The following MOB3A variants were observed in gnomAD, a reference collection of about 807,000 sequenced individuals.
MOB3A encodes MOB kinase activator 3A, also known as MOB LAK.
A neutral mutation model predicts 17.8 loss-of-function variants in MOB3A; 17 were observed. That is an observed-to-expected ratio of 0.95 (90% confidence interval 0.65 to 1.43). MOB3A has a LOEUF of 1.43. Ranked by LOEUF, MOB3A falls within the 40% of genes most tolerant of loss-of-function variation. MOB3A has a pLI of 0.00. For missense variants in MOB3A, 333 were observed against 310.8 expected (o/e 1.07, Z -0.54); for synonymous variants, 124 against 133.2 (o/e 0.93, Z 0.48).
chr19:2,083,896 C>A (rs1251577825), intron 2 of MOB3A, among the ~76,000 whole-genome samples: 1 of 152,110 alleles, frequency 6.6e-6, no homozygotes, highest in Non-Finnish European at 1.5e-5. Context: ...CTGGGCTGAG[C>A]CTCAGGGAGA....
chr19:2,079,337 C>T (rs1354094765), intron 2 of MOB3A, among the ~76,000 whole-genome samples: 1 of 152,232 alleles, frequency 6.6e-6, no homozygotes, highest in Non-Finnish European at 1.5e-5. Context: ...ACGGCCTCCA[C>T]AAAGGAAGCC....
chr19:2,077,019 G>A lies in MOB3A; in HGVS notation c.422-6C>T, dbSNP rs144786970. 4 of 1,611,818 alleles carry A rather than the reference G, an allele frequency of 2.5e-6. No individual in the cohort carries two copies. The African/African-American group carries it at 5.3e-5, about 21-fold the overall frequency. On this transcript the variant is annotated splice_region_variant and splice_polypyrimidine_tract_variant and intron_variant, in intron 3 of 4. Coordinates refer to ENST00000357066, the MANE Select transcript of MOB3A (RefSeq NM_130807.3). ...GTTCTTGGGAAACGGAGTGCCTGCA[G>A]GGAGAGGGGTGGGACGGGTCCACGG...
rs1186934394 is a variant in MOB3A, at chr19:2,072,427, G to C, written c.*968C>G. 6.6e-6 allele frequency: 1 copy of C among 152,018 alleles called. No homozygotes were observed. The highest frequency in any genetic ancestry group is 1.9e-4 in the East Asian group (1 of 5,198). 9.4% of individuals were successfully genotyped at this position (152,018 alleles called of 1,614,324 possible). On this transcript the variant is annotated 3_prime_UTR_variant, in exon 5 of 5. Transcript: ENST00000357066. ...CTGGACTCCAGTCTGGGCGACAGTG[G>C]GAGACTCCGTTCAAAAAAAATAAAA...
In MOB3A at chr19:2,082,261, GA is replaced by G. The variant is rs1228329315; in HGVS notation, c.-120+2913del. Reference sequence around the variant, plus strand: ...CAGGCCTCTAACCCCTGGCTCTGTGGACATCGGGGTTGGATCGTTCTCTGGG... The same window carrying G: ...CAGGCCTCTAACCCCTGGCTCTGTGGCATCGGGGTTGGATCGTTCTCTGGG... On this transcript the variant is annotated intron_variant, in intron 2 of 4. Transcript: ENST00000357066. This position sits in a 1 kb window ranked among gnomAD's most constrained non-coding sequence, Gnocchi z 4.1. Among the ~76,000 whole-genome samples the G allele has an allele frequency of 4.6e-5, 7 of 152,240 alleles. No individual in the cohort carries two copies. Among genetic ancestry groups the G allele is most frequent in the African/African-American group, 1.7e-4 (7 of 41,458 alleles).
intron 1 of MOB3A, among the ~76,000 whole-genome samples, chr19:2,094,562 G>C (rs1192793612): frequency 6.6e-6 from 1 of 152,214 alleles, no homozygotes; most frequent in African/African-American, 2.4e-5. Flanking sequence ...TGTGGGCTCT[G>C]ACGGCTCCAG....
chr19:2,080,322 C>A (rs943783744), intron 2 of MOB3A, among the ~76,000 whole-genome samples: 9 of 152,008 alleles, frequency 5.9e-5, no homozygotes, highest in African/African-American at 1.9e-4. Flanking sequence ...CTGGGCTCCA[C>A]GCAACGCTCA....
chr19:2,080,174 C>G (rs1330977482), intron 2 of MOB3A, among the ~76,000 whole-genome samples: 1 of 152,178 alleles, frequency 6.6e-6, no homozygotes, highest in African/African-American at 2.4e-5. Context: ...CGGGCAGAGA[C>G]TTGACTGTGA....
At chr19:2,084,630 G>A (rs908181289) in intron 2 of MOB3A, among the ~76,000 whole-genome samples, 1 of 150,804 alleles carries the variant, frequency 6.6e-6, no homozygotes, top group Non-Finnish European at 1.5e-5. Flanking sequence ...TTACTCTGTC[G>A]CCCAGGCTGG....
At chr19:2,083,998 C>A in intron 2 of MOB3A, 1 of 332,462 alleles carries the variant, frequency 3.0e-6, no homozygotes, top group South Asian at 2.1e-5. Flanking sequence ...TCTTGAACTC[C>A]TGGTCTCAAG....
At chr19:2,080,518 C>T (rs1239281566) in intron 2 of MOB3A, among the ~76,000 whole-genome samples, 1 of 152,096 alleles carries the variant, frequency 6.6e-6, no homozygotes, top group Admixed American at 6.6e-5. Flanking sequence ...GCTGGCACTA[C>T]AGGCACGTGC....
At chr19:2,090,434 T>C (rs1462130556) in intron 1 of MOB3A, among the ~76,000 whole-genome samples, 18 of 152,092 alleles carry the variant, frequency 1.2e-4, no homozygotes, top group Non-Finnish European at 2.6e-4. Context: ...GGACGATGTC[T>C]GGGGACATCT....
intron 2 of MOB3A, 111 bp from the exon 3 acceptor site, chr19:2,078,790 A>C: frequency 4.0e-6 from 2 of 502,006 alleles, no homozygotes; most frequent in Non-Finnish European, 7.0e-6. Flanking sequence ...ACAGGGTCTT[A>C]CTCTGTTGCC....
intron 4 of MOB3A, among the ~76,000 whole-genome samples, chr19:2,074,702 AC>A (rs1339902661): frequency 1.3e-5 from 2 of 151,022 alleles, no homozygotes; most frequent in Admixed American, 1.3e-4. Context: ...ACAAGTGCCC[AC>A]CACCATGCCT....
Position 2,078,511 on chromosome 19 carries a change from C to T in MOB3A, c.50G>A (p.Arg17His), listed in dbSNP as rs775925366. The T allele has an allele frequency of 9.4e-6, 15 of 1,602,750 alleles. No homozygotes were observed. Among genetic ancestry groups the T allele is most frequent in the Admixed American group, 1.7e-5 (1 of 59,184 alleles). The part of the protein sequence containing the change: ...KQVFNKDKTF[R>H]PKRKFEPGTQ... ...GCCTGGCTCAAACTTGCGCTTGGGG[C>T]GGAATGTCTTGTCCTTGTTGAAGAC... The change falls in exon 3 of 5, where the codon CGC (arginine) becomes CAC (histidine). Residue 17 changes from arginine (R) to histidine (H), a missense_variant. Physicochemically the swap from Arg to His is conservative, Grantham distance 29 (BLOSUM62 0). Coordinates refer to ENST00000357066, the MANE Select transcript of MOB3A (RefSeq NM_130807.3).
intron 2 of MOB3A, among the ~76,000 whole-genome samples, chr19:2,081,657 G>A (rs1337385406): frequency 5.9e-5 from 9 of 152,116 alleles, no homozygotes; most frequent in African/African-American, 1.2e-4. Flanking sequence ...AGGCTGAGGC[G>A]GGCGGATCAC....
chr19:2,091,468 C>G (rs1336631138), intron 1 of MOB3A, among the ~76,000 whole-genome samples: 1 of 152,000 alleles, frequency 6.6e-6, no homozygotes, highest in Non-Finnish European at 1.5e-5. Flanking sequence ...ACTGCAAGCT[C>G]TGCCTCCCGG....
chr19:2,089,604 C>T (rs948830048), intron 1 of MOB3A, among the ~76,000 whole-genome samples: 3 of 150,574 alleles, frequency 2.0e-5, no homozygotes, highest in Non-Finnish European at 4.4e-5. Context: ...CAAGAGACTC[C>T]GTGGCCCATG....
At position 2,081,456 on chromosome 19, in the gene MOB3A, C is replaced by T. The variant is rs906148753; in HGVS notation, c.-119-2777G>A. ...TACAAAAATTAGCCAGACATGGTGG[C>T]GGGCGCCTGTAATCCCAGCTACTCG... On this transcript the variant is annotated intron_variant, in intron 2 of 4. Coordinates refer to ENST00000357066, the MANE Select transcript of MOB3A (RefSeq NM_130807.3). Among the ~76,000 whole-genome samples, 9 of 152,074 alleles carry T rather than the reference C, an allele frequency of 5.9e-5. 1 individual carries two copies. The highest frequency in any genetic ancestry group is 3.4e-3 in the Middle Eastern group (1 of 294).
chr19:2,082,953 C>T lies in MOB3A; in HGVS notation c.-120+2222G>A, dbSNP rs189614349. On this transcript the variant is annotated intron_variant, in intron 2 of 4. Coordinates refer to ENST00000357066, the MANE Select transcript of MOB3A (RefSeq NM_130807.3). The surrounding 1 kb of genome is among the most constrained non-coding windows in gnomAD (Gnocchi z 4.1). ...TCAGCCTCCTGAGTAGCTGGGACCA[C>T]GGGCACTCACTGCCATAATTTTTTA... Among the ~76,000 whole-genome samples, 11 of 152,312 alleles carry T rather than the reference C, an allele frequency of 7.2e-5. No individual in the cohort carries two copies. In the South Asian group the frequency reaches 1.2e-3, roughly 17 times the overall value.
Sources: gnomAD v4.1 joint callset for allele counts (sites outside exome capture counted in the v4.1 genomes callset) on GRCh38, gnomAD v4.1.1 for gene constraint, Gnocchi (gnomAD v3.1) non-coding constraint, MANE v1.5 for transcripts, NCBI Gene and HGNC (gene_info 2026-07-23, HGNC 2026-07-21) for gene names.